ADCY1: variants seen among roughly 807,000 people sequenced by gnomAD.
The protein encoded by ADCY1 is adenylate cyclase type 1.
ADCY1 carries 28 observed loss-of-function variants against 105.4 expected under a neutral mutation model. The observed-to-expected ratio is 0.27, with a 90% CI of 0.20 to 0.36. The LOEUF is 0.36. Ranked by LOEUF, ADCY1 falls within the 10% of genes least tolerant of loss-of-function variation. ADCY1 has a pLI of 1.00. For missense variants in ADCY1, 977 were observed against 1,434.2 expected (o/e 0.68, Z 5.15); for synonymous variants, 655 against 623.8 (o/e 1.05, Z -0.75).
At chr7:45,579,844 G>T (rs926639175) in intron 1 of ADCY1, among the ~76,000 whole-genome samples, 6 of 152,202 alleles carry the variant, frequency 3.9e-5, no homozygotes, top group African/African-American at 1.4e-4. Context: ...CAGTCCTGTG[G>T]CAGCCTCGCT....
At chr7:45,595,995 G>A (rs532948162) in intron 2 of ADCY1, among the ~76,000 whole-genome samples, 2 of 152,350 alleles carry the variant, frequency 1.3e-5, no homozygotes, top group African/African-American at 4.8e-5. Flanking sequence ...ATGGCAGAGG[G>A]GAGCACTTGG....
chr7:45,581,614 G>C (rs1198841748), intron 1 of ADCY1, among the ~76,000 whole-genome samples: 1 of 152,142 alleles, frequency 6.6e-6, no homozygotes, highest in South Asian at 2.1e-4. Flanking sequence ...AGGGGCAATG[G>C]TTTGGGCAGG....
At chr7:45,584,313 C>G (rs1792653905) in intron 1 of ADCY1, among the ~76,000 whole-genome samples, 1 of 152,184 alleles carries the variant, frequency 6.6e-6, no homozygotes, top group African/African-American at 2.4e-5. Context: ...CACCCTGGCT[C>G]TGGTGGCCCC....
chr7:45,639,585 A>G (rs1018283815), intron 4 of ADCY1, among the ~76,000 whole-genome samples: 28 of 152,216 alleles, frequency 1.8e-4, no homozygotes, highest in Non-Finnish European at 3.4e-4. Flanking sequence ...CCATTCCTCA[A>G]GTGGATGGGA....
At chr7:45,704,758 T>G (rs1302813336) in intron 17 of ADCY1, 142 bp downstream of exon 17, 2 of 665,206 alleles carry the variant, frequency 3.0e-6, no homozygotes, top group Non-Finnish European at 5.2e-6. Flanking sequence ...GCTGTTTTTG[T>G]CCGTGGCTGG....
At chr7:45,657,276 C>A (rs1469737885) in intron 5 of ADCY1, among the ~76,000 whole-genome samples, 2 of 152,258 alleles carry the variant, frequency 1.3e-5, no homozygotes, top group African/African-American at 4.8e-5. Context: ...GTGGATGTTT[C>A]CAGCAGGTTG....
chr7:45,643,353 G>A (rs1193343346), intron 4 of ADCY1, among the ~76,000 whole-genome samples: 3 of 150,902 alleles, frequency 2.0e-5, no homozygotes, highest in Admixed American at 2.0e-4. Flanking sequence ...TTTTATATTT[G>A]TATCTTTTTG....
chr7:45,586,299 C>T (rs1452187793), intron 1 of ADCY1, among the ~76,000 whole-genome samples: 3 of 152,160 alleles, frequency 2.0e-5, no homozygotes, highest in Admixed American at 2.0e-4. Flanking sequence ...AAGACGGCTG[C>T]TTCTCCAGGT....
At chr7:45,712,922 T>C (rs933091156) in intron 19 of ADCY1, among the ~76,000 whole-genome samples, 1 of 152,084 alleles carries the variant, frequency 6.6e-6, no homozygotes, top group African/African-American at 2.4e-5. Context: ...GTCTCTGTTT[T>C]CTCTGGACAG....
In ADCY1 at chr7:45,600,320, C is replaced by T. The variant is rs1011340470; in HGVS notation, c.789+7412C>T. Among the ~76,000 whole-genome samples the T allele has an allele frequency of 8.5e-5, 13 of 152,202 alleles. 1 individual carries two copies. The highest frequency in any genetic ancestry group is 1.3e-4 in the Admixed American group (2 of 15,280). ...ACCTCTGACAGGGTGAGGGACTCAG[C>T]ACACACAGCTGCAGGCTGCAGGGAG... On this transcript the variant is annotated intron_variant, in intron 2 of 19. Coordinates refer to ENST00000297323, the MANE Select transcript of ADCY1 (RefSeq NM_021116.4).
At chr7:45,636,414 G>C (rs1364195669) in intron 4 of ADCY1, among the ~76,000 whole-genome samples, 1 of 152,218 alleles carries the variant, frequency 6.6e-6, no homozygotes, top group East Asian at 1.9e-4. Flanking sequence ...TACATGTTCA[G>C]TATAGATGCA....
intron 8 of ADCY1, among the ~76,000 whole-genome samples, chr7:45,667,673 A>G (rs1180597906): frequency 6.6e-6 from 1 of 152,182 alleles, no homozygotes; most frequent in Non-Finnish European, 1.5e-5. Flanking sequence ...GAAGAAAGTC[A>G]TTGGTAGCTT....
chr7:45,580,913 C>T (rs1000076947), intron 1 of ADCY1, among the ~76,000 whole-genome samples: 7 of 152,080 alleles, frequency 4.6e-5, no homozygotes, highest in African/African-American at 9.7e-5. Context: ...TTGGGGCTCA[C>T]GGTGGTTTTA....
At chr7:45,632,235 G>A (rs4720517) in intron 4 of ADCY1, among the ~76,000 whole-genome samples, 2 of 152,236 alleles carry the variant, frequency 1.3e-5, no homozygotes, top group Admixed American at 6.5e-5. Flanking sequence ...ATAATGTATA[G>A]TCTGGAATCA....
Position 45,714,058 on chromosome 7 carries a change from C to T in ADCY1, c.*63C>T. 1 of 689,252 alleles carries T rather than the reference C, an allele frequency of 1.5e-6. No homozygotes were observed. The highest frequency in any genetic ancestry group is 2.0e-5 in the Admixed American group (1 of 49,022). 42.7% of individuals were successfully genotyped at this position (689,252 alleles called of 1,614,324 possible). ...GGAATGCTCCGGGGGTGACACAGGC[C>T]ACGGTGGCTCCAGCCAGGACCAGCC... On this transcript the variant is annotated 3_prime_UTR_variant, in exon 20 of 20. Coordinates refer to ENST00000297323, the MANE Select transcript of ADCY1 (RefSeq NM_021116.4).
intron 2 of ADCY1, among the ~76,000 whole-genome samples, chr7:45,607,051 C>G (rs2115845346): frequency 6.6e-6 from 1 of 151,814 alleles, no homozygotes; most frequent in Non-Finnish European, 1.5e-5. Flanking sequence ...TATCAGATGG[C>G]AGCTTGCTTC....
At chr7:45,594,476 T>C (rs1793017876) in intron 2 of ADCY1, among the ~76,000 whole-genome samples, 1 of 152,196 alleles carries the variant, frequency 6.6e-6, no homozygotes, top group Non-Finnish European at 1.5e-5. Flanking sequence ...AAGGCTCTTT[T>C]TGTGGGCCCT....
intron 19 of ADCY1, among the ~76,000 whole-genome samples, chr7:45,712,087 ATAAT>A (rs2116285150): frequency 7.6e-6 from 1 of 132,230 alleles, no homozygotes; most frequent in Admixed American, 8.3e-5. Context: ...TATTAAATAT[ATAAT>A]ATATTTTATA....
At chr7:45,661,218 A>C (rs1795094198) in intron 7 of ADCY1, among the ~76,000 whole-genome samples, 1 of 152,170 alleles carries the variant, frequency 6.6e-6, no homozygotes, top group African/African-American at 2.4e-5. Context: ...GTGACAAGAT[A>C]GGTACAGTAT....
Sources: allele counts gnomAD v4.1 joint callset (sites outside exome capture counted in the v4.1 genomes callset), GRCh38; gene constraint gnomAD v4.1.1; transcripts MANE v1.5; gene names NCBI Gene and HGNC (gene_info 2026-07-23, HGNC 2026-07-21).